The following MPND variants were observed in gnomAD, a reference collection of about 807,000 sequenced individuals.
The protein encoded by MPND is MPN domain-containing protein.
MPND carries 56 observed loss-of-function variants against 59.2 expected under a neutral mutation model. The ratio of observed to expected loss-of-function variants is 0.95; its 90% CI spans 0.76 to 1.18. The LOEUF (loss-of-function observed/expected upper bound fraction) is 1.18, where lower values mean the gene tolerates loss of function less well. Among genes scored for constraint, MPND ranks in the 50% most tolerant of loss-of-function variants. The pLI, the probability that MPND is intolerant of heterozygous loss-of-function variation, is 0.00. For synonymous variants in MPND, 323 were observed against 291.9 expected (o/e 1.11, Z -1.09); for missense variants, 671 against 676.0 (o/e 0.99, Z 0.08).
In MPND at chr19:4,355,085, C is replaced by A; in HGVS notation, c.920-12C>A. 6.2e-7 allele frequency: 1 copy of A among 1,613,862 alleles called. No homozygotes were observed. Among genetic ancestry groups the A allele is most frequent in the South Asian group, 1.1e-5 (1 of 91,080 alleles). On this transcript the variant is annotated splice_polypyrimidine_tract_variant and intron_variant, in intron 7 of 12. Coordinates refer to ENST00000599840, the MANE Select transcript of MPND (RefSeq NM_001300862.2). ...ACCGGGGTCACGGGGTCACAGCTGC[C>A]CCTCCCCACAGTGCTGACGGTGCTC...
Position 4,343,605 on chromosome 19 carries a change from G to A in MPND, c.7+5G>A. On this transcript the variant is annotated splice_donor_5th_base_variant and intron_variant, in intron 1 of 12. Coordinates refer to ENST00000599840, the MANE Select transcript of MPND (RefSeq NM_001300862.2). ...GGGGAGGCGCGGCCATGGCAGGTAC[G>A]GCGGGCCCAGCGGGGCGGAGGCGCG... 2 of 1,171,910 alleles carry A rather than the reference G, an allele frequency of 1.7e-6. No individual in the cohort carries two copies. Among genetic ancestry groups the A allele is most frequent in the Non-Finnish European group, 2.1e-6 (2 of 942,198 alleles). 72.6% of individuals were successfully genotyped at this position (1,171,910 alleles called of 1,614,324 possible).
chr19:4,351,166 T>C (rs1213987303), intron 3 of MPND, among the ~76,000 whole-genome samples: 3 of 152,210 alleles, frequency 2.0e-5, no homozygotes, highest in African/African-American at 7.2e-5. Flanking sequence ...TACAATGGTG[T>C]GATCTCAGTT....
Position 4,343,856 on chromosome 19 carries a change from AGGCGGC to A in MPND, c.165_170del (p.Gly56_Gly57del), listed in dbSNP as rs980684613. 1.7e-6 allele frequency: 2 copies of A among 1,161,984 alleles called. No individual in the cohort carries two copies. Among genetic ancestry groups the A allele is most frequent in the African/African-American group, 1.7e-5 (1 of 57,718 alleles). The allele number at this position is 1,161,984 out of a possible 1,614,324, so 72.0% of individuals were successfully genotyped here. A position where few individuals can be genotyped will look rare whatever the true frequency, so the allele number is the denominator to read the frequency against. On this transcript the variant is annotated inframe_deletion, in exon 2 of 13. Coordinates refer to ENST00000599840, the MANE Select transcript of MPND (RefSeq NM_001300862.2). ...GCGGCGGCAGTAGCGTCAGCGGAGGAGGCGGCGGCGGCGGGGCCGGGGCGGGGGGCT... is the reference window on the plus strand; with the variant it reads ...GCGGCGGCAGTAGCGTCAGCGGAGGAGGCGGCGGGGCCGGGGCGGGGGGCT...
intron 4 of MPND, 71 bp downstream of exon 4, chr19:4,353,100 G>C: frequency 3.2e-6 from 4 of 1,236,696 alleles, no homozygotes; most frequent in Non-Finnish European, 4.2e-6. Context: ...ACTGGGGAGA[G>C]GTTGGGCCTT....
rs1440761436 is a variant in MPND at position 4,359,903 on chromosome 19, C to A, written c.1420-13C>A. 1.3e-6 allele frequency: 2 copies of A among 1,555,184 alleles called. No homozygotes were observed. Among genetic ancestry groups the A allele is most frequent in the African/African-American group, 1.4e-5 (1 of 73,132 alleles). ...CCCCGGGCACAGCCTGAGGCCCAGC[C>A]CCCTCGTTTCAGATCTCCTTGGCCA... On this transcript the variant is annotated splice_polypyrimidine_tract_variant and intron_variant, in intron 12 of 12. Transcript: ENST00000599840.
chr19:4,350,561 G>A (rs565563032), intron 3 of MPND, among the ~76,000 whole-genome samples: 4 of 152,226 alleles, frequency 2.6e-5, no homozygotes, highest in East Asian at 1.9e-4. Context: ...AAGTGGGCAG[G>A]TTCCAGGTAT....
chr19:4,343,641 C>T (rs1185702109), intron 1 of MPND, 41 bp downstream of exon 1: 35 of 1,205,240 alleles, frequency 2.9e-5, no homozygotes, highest in Non-Finnish European at 3.6e-5. Flanking sequence ...GGGCGCGGGG[C>T]TGCAGGGGCG....
At position 4,343,984 on chromosome 19, in the gene MPND, T is replaced by TCTACTACCTA. The variant is rs1341353449; in HGVS notation, c.293_294insACTACTACCT (p.Gly99LeufsTer81). ...GAGCCTGGCGCCGGGGTGCTGTCCA[T>TCTACTACCTA]CTACTACCTGGTGAGCACCCCGCCT... On this transcript the variant is annotated frameshift_variant, in exon 2 of 13. Transcript: ENST00000599840. LOFTEE classifies it high-confidence loss of function. 1.5e-6 allele frequency: 2 copies of TCTACTACCTA among 1,367,326 alleles called. No homozygotes were observed. Among genetic ancestry groups the TCTACTACCTA allele is most frequent in the Non-Finnish European group, 1.9e-6 (2 of 1,060,296 alleles). The allele number at this position is 1,367,326 out of a possible 1,614,324, so 84.7% of individuals were successfully genotyped here.
chr19:4,353,786 C>G (rs1972371911), intron 4 of MPND: 3 of 423,974 alleles, frequency 7.1e-6, no homozygotes, highest in Non-Finnish European at 1.3e-5. Flanking sequence ...TGGTCTTGAA[C>G]TCCTGGACTT....
chr19:4,349,572 G>A (rs1482699536), intron 3 of MPND, among the ~76,000 whole-genome samples: 1 of 151,896 alleles, frequency 6.6e-6, no homozygotes, highest in South Asian at 2.1e-4. Flanking sequence ...GCGCAATGGC[G>A]TGATCTTGGC....
chr19:4,343,614 AGCGGGGCGGAGGC>A lies in MPND; in HGVS notation c.7+23_7+35del. The A allele has an allele frequency of 3.1e-6, 3 of 976,798 alleles. No individual in the cohort carries two copies. The highest frequency in any genetic ancestry group is 4.6e-5 in the South Asian group (1 of 21,900). The allele number at this position is 976,798 out of a possible 1,614,324, so 60.5% of individuals were successfully genotyped here. A position where few individuals can be genotyped will look rare whatever the true frequency, so the allele number is the denominator to read the frequency against. ...CGGCCATGGCAGGTACGGCGGGCCC[AGCGGGGCGGAGGC>A]GCGGGGCGCGGGGCTGCAGGGGCGC... On this transcript the variant is annotated intron_variant, in intron 1 of 12. Transcript: ENST00000599840.
chr19:4,343,973 GGTGCT>G lies in MPND; in HGVS notation c.276_280del (p.Leu93HisfsTer82). 1 of 1,382,862 alleles carries G rather than the reference GGTGCT, an allele frequency of 7.2e-7. No individual in the cohort carries two copies. The highest frequency in any genetic ancestry group is 9.4e-7 in the Non-Finnish European group (1 of 1,067,594). The allele number at this position is 1,382,862 out of a possible 1,614,324, so 85.7% of individuals were successfully genotyped here. Reference sequence around the variant, plus strand: ...ACGCGCTGCTGGAGCCTGGCGCCGGGGTGCTGTCCATCTACTACCTGGTGAGCACC... The same window carrying G: ...ACGCGCTGCTGGAGCCTGGCGCCGGGGTCCATCTACTACCTGGTGAGCACC... On this transcript the variant is annotated frameshift_variant, in exon 2 of 13. Transcript: ENST00000599840. LOFTEE classifies it high-confidence loss of function.
intron 6 of MPND, 80 bp from the exon 7 acceptor site, chr19:4,354,863 CAAAGAG>C (rs1390636452): frequency 3.6e-6 from 5 of 1,376,592 alleles, no homozygotes; most frequent in Non-Finnish European, 4.9e-6. Context: ...GACTGAGTCT[CAAAGAG>C]AATGAGGGCA....
intron 11 of MPND, 42 bp downstream of exon 11, chr19:4,358,214 G>T: frequency 6.7e-7 from 1 of 1,499,344 alleles, no homozygotes. Flanking sequence ...CTGGCAGTGC[G>T]CAGCTGGGCA....
chr19:4,344,196 T>G (rs1972135708), intron 2 of MPND, among the ~76,000 whole-genome samples: 1 of 134,884 alleles, frequency 7.4e-6, no homozygotes, highest in Non-Finnish European at 1.6e-5. Flanking sequence ...AGCTCCAGTG[T>G]GAGGAGGGGA....
At chr19:4,346,753 A>G (rs1423114110) in intron 3 of MPND, among the ~76,000 whole-genome samples, 1 of 149,482 alleles carries the variant, frequency 6.7e-6, no homozygotes, top group Non-Finnish European at 1.5e-5. Context: ...ATGGTAGGCC[A>G]GGCACAGTGG....
intron 3 of MPND, chr19:4,347,887 GT>G (rs931842889): frequency 9.8e-5 from 15 of 152,748 alleles, no homozygotes; most frequent in South Asian, 4.9e-4. Context: ...TCCATATTGT[GT>G]TTTTTTTTGT....
chr19:4,351,689 C>T (rs1478223254), intron 3 of MPND, among the ~76,000 whole-genome samples: 2 of 151,448 alleles, frequency 1.3e-5, no homozygotes, highest in Admixed American at 6.6e-5. Context: ...GGTGAAACCC[C>T]ATCTCTACTA....
rs753733260 is a variant in MPND, at chr19:4,359,904, CCCT to C, written c.1420-10_1420-8del. The C allele has an allele frequency of 9.2e-5, 143 of 1,556,432 alleles. 1 individual carries two copies. The highest frequency in any genetic ancestry group is 2.9e-4 in the Admixed American group (15 of 52,496). ...CCCGGGCACAGCCTGAGGCCCAGCC[CCCT>C]CGTTTCAGATCTCCTTGGCCAGCAG... On this transcript the variant is annotated splice_polypyrimidine_tract_variant and intron_variant, in intron 12 of 12. Coordinates refer to ENST00000599840, the MANE Select transcript of MPND (RefSeq NM_001300862.2).
Sources: allele counts gnomAD v4.1 joint callset (sites outside exome capture counted in the v4.1 genomes callset), GRCh38; gene constraint gnomAD v4.1.1; transcripts MANE v1.5; gene names NCBI Gene and HGNC (gene_info 2026-07-23, HGNC 2026-07-21).